Variants in C10orf143 observed in about 807,000 individuals in gnomAD.
C10orf143 encodes the protein uncharacterized protein C10orf143.
At chr10:130,046,765 C>T (rs773200547) in intron 3 of C10orf143, among the ~76,000 whole-genome samples, 2 of 152,184 alleles carry the variant, frequency 1.3e-5, no homozygotes, top group African/African-American at 4.8e-5. Context: ...CCACGCCGCC[C>T]GCTCACCTGC....
chr10:130,083,450 T>C (rs891292431), intron 1 of C10orf143, among the ~76,000 whole-genome samples: 1 of 152,216 alleles, frequency 6.6e-6, no homozygotes, highest in Non-Finnish European at 1.5e-5. Context: ...AAAGCACATT[T>C]GCACAGTTAT....
chr10:130,104,443 T>G (rs1861607483), intron 1 of C10orf143: 1 of 152,230 alleles, frequency 6.6e-6, no homozygotes, highest in South Asian at 2.1e-4. Flanking sequence ...GGTGGTTATG[T>G]GCAGAGTACA....
At chr10:130,107,386 T>C (rs1043073734) in intron 1 of C10orf143, 2 of 1,131,518 alleles carry the variant, frequency 1.8e-6, no homozygotes, top group Non-Finnish European at 2.7e-6. Flanking sequence ...TTCATTATTA[T>C]CAACGGCAGA....
intron 3 of C10orf143, among the ~76,000 whole-genome samples, chr10:130,070,053 T>C (rs763443002): frequency 1.3e-5 from 2 of 152,216 alleles, no homozygotes; most frequent in African/African-American, 2.4e-5. Context: ...GGGATTCGCA[T>C]CTGACTGTAT....
At chr10:130,058,129 A>T (rs1860815381) in intron 3 of C10orf143, among the ~76,000 whole-genome samples, 1 of 152,230 alleles carries the variant, frequency 6.6e-6, no homozygotes, top group Non-Finnish European at 1.5e-5. Context: ...GGTCTGTGGC[A>T]TCTCCTGGGA....
At chr10:130,075,974 T>C (rs1053765499) in intron 3 of C10orf143, among the ~76,000 whole-genome samples, 2 of 144,304 alleles carry the variant, frequency 1.4e-5, no homozygotes, top group Admixed American at 1.4e-4. Context: ...ATGTGTGTGT[T>C]TTTTGTTTGT....
At chr10:130,039,377 C>T (rs12253498) in intron 3 of C10orf143, among the ~76,000 whole-genome samples, 60,395 of 151,818 alleles carry the variant, frequency 0.4, 12,254 homozygotes, top group Middle Eastern at 0.52. Context: ...GAGTCCGCCA[C>T]GTGAGTCCCA....
chr10:130,107,182 A>T, intron 1 of C10orf143: 1 of 1,486,428 alleles, frequency 6.7e-7, no homozygotes, highest in Middle Eastern at 1.8e-4. Flanking sequence ...TTCAACAGAA[A>T]CTTAAAGTAA....
chr10:130,082,530 T>C (rs1861226285), intron 1 of C10orf143, among the ~76,000 whole-genome samples: 1 of 152,206 alleles, frequency 6.6e-6, no homozygotes, highest in Non-Finnish European at 1.5e-5. Flanking sequence ...TGTTAGTGAA[T>C]AAGTCTCACG....
At chr10:130,099,510 T>TTTTATTTATTTA (rs140538908) in intron 1 of C10orf143, among the ~76,000 whole-genome samples, 94 of 148,650 alleles carry the variant, frequency 6.3e-4, no homozygotes, top group African/African-American at 2.1e-3. Context: ...CTTCTTTTAT[T>TTTTATTTATTTA]TTTATTTATT....
intron 1 of C10orf143, among the ~76,000 whole-genome samples, chr10:130,089,485 A>AG (rs1338059012): frequency 1.3e-5 from 2 of 152,184 alleles, no homozygotes; most frequent in African/African-American, 2.4e-5. Context: ...GTAAAAAAAA[A>AG]CCTTAGCCAA....
At chr10:130,071,633 TA>T (rs1161370582) in intron 3 of C10orf143, among the ~76,000 whole-genome samples, 9 of 145,950 alleles carry the variant, frequency 6.2e-5, no homozygotes, top group Middle Eastern at 3.4e-3. Flanking sequence ...TTATATTCTA[TA>T]TTTTTTTTTT....
downstream of C10orf143, among the ~76,000 whole-genome samples, chr10:130,060,117 G>A (rs1259847419): frequency 2.0e-5 from 3 of 152,120 alleles, no homozygotes; most frequent in Admixed American, 1.3e-4. Context: ...AAGAACTGAC[G>A]GGGTTCCTTG....
At chr10:130,051,277 ACCCCCGCC>A (rs1860734409) in intron 3 of C10orf143, among the ~76,000 whole-genome samples, 2 of 99,150 alleles carry the variant, frequency 2.0e-5, no homozygotes, top group Non-Finnish European at 4.2e-5. Flanking sequence ...TCCCTCTCCT[ACCCCCGCC>A]TCATTAAGAG....
At chr10:130,060,551 C>T (rs1412548988), downstream of C10orf143, among the ~76,000 whole-genome samples, 2 of 152,142 alleles carry the variant, frequency 1.3e-5, no homozygotes, top group Non-Finnish European at 2.9e-5. Flanking sequence ...CAGCCGGGCG[C>T]AGTGGCTCAC....
At chr10:130,076,182 C>A (rs751194356) in intron 3 of C10orf143, among the ~76,000 whole-genome samples, 10 of 152,074 alleles carry the variant, frequency 6.6e-5, no homozygotes, top group Non-Finnish European at 1.3e-4. Flanking sequence ...AGGAGCCAAA[C>A]ACTCACCAGG....
intron 1 of C10orf143, among the ~76,000 whole-genome samples, chr10:130,080,293 G>C (rs1471959805): frequency 6.6e-6 from 1 of 152,178 alleles, no homozygotes; most frequent in Non-Finnish European, 1.5e-5. Flanking sequence ...AATACAATAT[G>C]AATAATTCAC....
At chr10:130,108,279 C>A in intron 1 of C10orf143, 3 of 1,571,866 alleles carry the variant, frequency 1.9e-6, no homozygotes, top group East Asian at 4.5e-5. Flanking sequence ...CCACATGCTC[C>A]GTTTGCAATG....
intron 1 of C10orf143, among the ~76,000 whole-genome samples, chr10:130,101,938 A>G (rs186672242): frequency 1.3e-5 from 2 of 151,212 alleles, no homozygotes; most frequent in Admixed American, 6.6e-5. Context: ...AACCTGTCCT[A>G]TAAGAAATGT....
Sources: gnomAD v4.1 joint callset for allele counts (sites outside exome capture counted in the v4.1 genomes callset) on GRCh38, gnomAD v4.1.1 for gene constraint, MANE v1.5 for transcripts, NCBI Gene and HGNC (gene_info 2026-07-23, HGNC 2026-07-21) for gene names.